The following ZFHX4 variants were observed in gnomAD, a reference collection of about 807,000 sequenced individuals.
ZFHX4 encodes the protein zinc finger homeobox protein 4.
A neutral mutation model predicts 267.6 loss-of-function variants in ZFHX4; 56 were observed. The observed-to-expected ratio is 0.21, with a 90% CI of 0.17 to 0.26. The LOEUF (loss-of-function observed/expected upper bound fraction) is 0.26. ZFHX4 is among the 10% of genes least tolerant of loss of function. ZFHX4 has a pLI of 1.00. For synonymous variants in ZFHX4, 1,778 were observed against 1,665.6 expected (o/e 1.07, Z -1.64); for missense variants, 4,332 against 4,420.0 (o/e 0.98, Z 0.56).
At chr8:76,772,000 T>G (rs1037352335) in intron 3 of ZFHX4, among the ~76,000 whole-genome samples, 1 of 152,010 alleles carries the variant, frequency 6.6e-6, no homozygotes, top group Non-Finnish European at 1.5e-5. Flanking sequence ...AGCATAGGGG[T>G]TTGCCTGACT....
In ZFHX4 at chr8:76,854,707, G is replaced by A. The variant is rs1164368852; in HGVS notation, c.7786G>A (p.Gly2596Arg). 5.0e-6 allele frequency: 8 copies of A among 1,613,626 alleles called. No homozygotes were observed. The highest frequency in any genetic ancestry group is 5.1e-6 in the Non-Finnish European group (6 of 1,179,784). Reference sequence around the variant, plus strand: ...TAATAATTGCAGTGAAAAAGAAGGAGGGAATAGCGGTGAAGACCAACACCG... The same window carrying A: ...TAATAATTGCAGTGAAAAAGAAGGAAGGAATAGCGGTGAAGACCAACACCG... ...EDNNCSEKEG[G>R]NSGEDQHRDK... is the part of the protein sequence containing the mutation. The change falls in exon 10 of 11, where the codon GGG becomes AGG. Residue 2596 changes from glycine to arginine, a missense_variant. Physicochemically the swap from Gly to Arg is moderately radical, Grantham distance 125 (BLOSUM62 -2). Around this residue, in one of 7 missense-constraint regions of ZFHX4, gnomAD observed 1,648 missense variants for 1,625.0 expected, o/e 1.01. Coordinates refer to ENST00000651372, the MANE Select transcript of ZFHX4 (RefSeq NM_024721.5).
chr8:76,720,658 A>T (rs1273420206), intron 3 of ZFHX4, among the ~76,000 whole-genome samples: 3 of 152,068 alleles, frequency 2.0e-5, no homozygotes, highest in Non-Finnish European at 4.4e-5. Context: ...CATTTTTATC[A>T]TTCTCTCAAT....
rs1811986700 is a variant in ZFHX4, at chr8:76,833,358, A to G, written c.3346A>G (p.Arg1116Gly). ...NELETASLGA[R>G]TCDDDLTEQQ... Reference sequence around the variant, plus strand: ...TGCAGAAACTGCCTCATTGGGAGCCAGGACTTGTGATGATGATCTTACAGA... The same window carrying G: ...TGCAGAAACTGCCTCATTGGGAGCCGGGACTTGTGATGATGATCTTACAGA... The change falls in exon 5 of 11, where the codon AGG becomes GGG. Residue 1116 changes from arginine (R) to glycine (G), a missense_variant. Arg to Gly is a moderately radical substitution (Grantham distance 125). Coordinates refer to ENST00000651372, the MANE Select transcript of ZFHX4 (RefSeq NM_024721.5). The G allele has an allele frequency of 6.2e-7, 1 of 1,610,854 alleles. No homozygotes were observed. The highest frequency in any genetic ancestry group is 1.1e-5 in the South Asian group (1 of 90,386).
intron 5 of ZFHX4, among the ~76,000 whole-genome samples, chr8:76,842,392 C>G (rs1158325817): frequency 2.0e-5 from 3 of 152,182 alleles, no homozygotes; most frequent in Admixed American, 6.5e-5. Flanking sequence ...TCAGCTTAAA[C>G]TGTACTAAAA....
At chr8:76,847,419 A>G (rs1479291322) in intron 6 of ZFHX4, among the ~76,000 whole-genome samples, 24 of 152,068 alleles carry the variant, frequency 1.6e-4, no homozygotes, top group Admixed American at 1.6e-3. Context: ...TTTTTCAAAT[A>G]TCTAGAAATA....
intron 3 of ZFHX4, among the ~76,000 whole-genome samples, chr8:76,723,777 T>C (rs2131643836): frequency 6.6e-6 from 1 of 152,162 alleles, no homozygotes; most frequent in Admixed American, 6.6e-5. Flanking sequence ...ATAGGTAATA[T>C]AATTAGTATT....
rs184320514 is a variant in ZFHX4, at chr8:76,749,021, C to T, written c.3094-29187C>T. ...GCAAATTGCTATCTTCTGTTACAAT[C>T]CAGGTGGGGAAAAAACAGTAAAATG... On this transcript the variant is annotated intron_variant, in intron 3 of 10. Transcript: ENST00000651372. 3.3e-5 allele frequency among the ~76,000 whole-genome samples: 5 copies of T among 152,212 alleles called. No individual in the cohort carries two copies. In the East Asian group the frequency reaches 9.6e-4, roughly 29 times the overall value.
chr8:76,858,618 A>G (rs1356412860), intron 10 of ZFHX4, among the ~76,000 whole-genome samples: 1 of 152,144 alleles, frequency 6.6e-6, no homozygotes, highest in Non-Finnish European at 1.5e-5. Context: ...AGGTTAATTT[A>G]CTTATGGTGG....
At chr8:76,772,062 C>G (rs1347585037) in intron 3 of ZFHX4, among the ~76,000 whole-genome samples, 5 of 152,056 alleles carry the variant, frequency 3.3e-5, no homozygotes, top group Admixed American at 3.3e-4. Context: ...TTCTGTGTGT[C>G]TCTGTTTCCT....
intron 4 of ZFHX4, among the ~76,000 whole-genome samples, chr8:76,809,670 A>G (rs1811326812): frequency 1.3e-5 from 2 of 152,188 alleles, no homozygotes; most frequent in Non-Finnish European, 2.9e-5. Flanking sequence ...TAATACTTTT[A>G]TGAGGCCACT....
intron 3 of ZFHX4, among the ~76,000 whole-genome samples, chr8:76,725,766 A>C (rs543686038): frequency 3.9e-5 from 6 of 152,284 alleles, no homozygotes; most frequent in African/African-American, 1.4e-4. Context: ...ACAATATTAT[A>C]TGTTTCTGTG....
intron 4 of ZFHX4, among the ~76,000 whole-genome samples, chr8:76,832,523 A>G (rs1018498712): frequency 6.6e-6 from 1 of 152,154 alleles, no homozygotes; most frequent in African/African-American, 2.4e-5. Flanking sequence ...TTTGAGGCAT[A>G]TAGACTATTA....
chr8:76,795,375 G>T (rs1329098064), intron 4 of ZFHX4, among the ~76,000 whole-genome samples: 1 of 152,108 alleles, frequency 6.6e-6, no homozygotes, highest in Non-Finnish European at 1.5e-5. Flanking sequence ...CAGGGCTCAA[G>T]TGATCCTATT....
At chr8:76,730,556 G>A (rs1031723341) in intron 3 of ZFHX4, among the ~76,000 whole-genome samples, 5 of 151,962 alleles carry the variant, frequency 3.3e-5, no homozygotes, top group Non-Finnish European at 7.4e-5. Context: ...TAAATTAGCC[G>A]GGCATGGTGA....
In ZFHX4 at chr8:76,705,926, T is replaced by A. The variant is rs764023030; in HGVS notation, c.1838T>A (p.Ile613Asn). The change falls in exon 2 of 11, where the codon ATC becomes AAC. Residue 613 changes from isoleucine (I) to asparagine (N), a missense_variant. Ile to Asn is a moderately radical substitution (Grantham distance 149, BLOSUM62 -3). Transcript: ENST00000651372. ...PGGDGSPGSG[I>N]ECPKCDTVLG... is the part of the protein sequence containing the mutation. ...GGAGACGGCTCACCGGGCAGTGGCA[T>A]CGAGTGTCCAAAGTGCGACACTGTG... 6 of 1,612,926 alleles carry A rather than the reference T, an allele frequency of 3.7e-6. No individual in the cohort carries two copies. The highest frequency in any genetic ancestry group is 1.3e-5 in the African/African-American group (1 of 74,596).
chr8:76,686,725 G>T (rs1284688497), intron 1 of ZFHX4, among the ~76,000 whole-genome samples: 1 of 152,104 alleles, frequency 6.6e-6, no homozygotes, highest in African/African-American at 2.4e-5. Context: ...TGAAATGAAT[G>T]TTCCTGCCTT....
At chr8:76,815,034 G>A (rs1721820225) in intron 4 of ZFHX4, among the ~76,000 whole-genome samples, 1 of 152,142 alleles carries the variant, frequency 6.6e-6, no homozygotes, top group African/African-American at 2.4e-5. Flanking sequence ...AAGGGGAAAA[G>A]AGTTAAGCAT....
chr8:76,762,701 TATCTTTTCCTAGAGAA>T (rs1326291659), intron 3 of ZFHX4, among the ~76,000 whole-genome samples: 1 of 152,208 alleles, frequency 6.6e-6, no homozygotes, highest in Non-Finnish European at 1.5e-5. Context: ...ATCTTTGTGT[TATCTTTTCCTAGAGAA>T]AAGATACAGT....
rs1473631465 is a variant in ZFHX4, at chr8:76,764,171, T to C, written c.3094-14037T>C. Reference sequence around the variant, plus strand: ...AACTATGAAAATAATACAAACTTGATTTAAATACTGTAAGCAGTTTCTCAA... The same window carrying C: ...AACTATGAAAATAATACAAACTTGACTTAAATACTGTAAGCAGTTTCTCAA... On this transcript the variant is annotated intron_variant, in intron 3 of 10. Transcript: ENST00000651372. Among the ~76,000 whole-genome samples, 4 of 152,286 alleles carry C rather than the reference T, an allele frequency of 2.6e-5. No homozygotes were observed. In the East Asian group the frequency reaches 7.7e-4, roughly 29 times the overall value.
Sources: gnomAD v4.1 joint callset for allele counts (sites outside exome capture counted in the v4.1 genomes callset) on GRCh38, gnomAD v4.1.1 for gene constraint, gnomAD v4.1.1 regional missense constraint, MANE v1.5 for transcripts, NCBI Gene and HGNC (gene_info 2026-07-23, HGNC 2026-07-21) for gene names.